Variants in TUBA1C observed in about 807,000 individuals in gnomAD.
The protein encoded by TUBA1C is tubulin alpha-1C chain.
TUBA1C carries 16 observed loss-of-function variants against 34.9 expected under a neutral mutation model. The ratio of observed to expected loss-of-function variants is 0.46; its 90% CI spans 0.31 to 0.70. TUBA1C has a LOEUF of 0.70. Among genes scored for constraint, TUBA1C ranks in the 30% least tolerant of loss-of-function variants. The pLI is 0.05. For missense variants in TUBA1C, 329 were observed against 587.3 expected (o/e 0.56, Z 4.55); for synonymous variants, 177 against 215.9 (o/e 0.82, Z 1.58).
intron 1 of TUBA1C, among the ~76,000 whole-genome samples, chr12:49,235,645 T>C (rs1409959085): frequency 6.6e-6 from 1 of 151,494 alleles, no homozygotes; most frequent in Non-Finnish European, 1.5e-5. Context: ...TGAGGCAGAA[T>C]TGCTTGAACC....
At chr12:49,262,349 C>T (rs1055242910), upstream of TUBA1C, among the ~76,000 whole-genome samples, 2 of 129,764 alleles carry the variant, frequency 1.5e-5, no homozygotes, top group African/African-American at 3.0e-5. Flanking sequence ...CCCAAAAAGT[C>T]GAGGCTGCAC....
At chr12:49,230,817 A>G (rs1942488655) in intron 1 of TUBA1C, among the ~76,000 whole-genome samples, 1 of 152,218 alleles carries the variant, frequency 6.6e-6, no homozygotes, top group South Asian at 2.1e-4. Flanking sequence ...GCCTGAAAGC[A>G]TTGGAAACTG....
chr12:49,268,308 A>G (rs1003501535), intron 1 of TUBA1C, among the ~76,000 whole-genome samples: 2 of 152,172 alleles, frequency 1.3e-5, no homozygotes, highest in Non-Finnish European at 2.9e-5. Flanking sequence ...CATATTGGCC[A>G]GGCTGTTCTT....
intron 1 of TUBA1C, among the ~76,000 whole-genome samples, chr12:49,257,424 C>G (rs1374960486): frequency 6.6e-6 from 1 of 151,942 alleles, no homozygotes; most frequent in Non-Finnish European, 1.5e-5. Flanking sequence ...CATGCAGATA[C>G]TGGTACTAGC....
At chr12:49,245,536 G>A (rs1942658467) in intron 1 of TUBA1C, among the ~76,000 whole-genome samples, 1 of 152,202 alleles carries the variant, frequency 6.6e-6, no homozygotes, top group African/African-American at 2.4e-5. Flanking sequence ...TTGAGGCTAG[G>A]AATTTGAAGC....
intron 1 of TUBA1C, among the ~76,000 whole-genome samples, chr12:49,248,867 CAAAAAA>C (rs201685193): frequency 9.9e-5 from 6 of 60,780 alleles, no homozygotes; most frequent in African/African-American, 3.0e-4. Flanking sequence ...GACTCCCTCT[CAAAAAA>C]AAAAAAAAAA....
intron 1 of TUBA1C, among the ~76,000 whole-genome samples, chr12:49,244,440 T>A (rs1003791475): frequency 1.3e-5 from 2 of 152,194 alleles, no homozygotes; most frequent in African/African-American, 4.8e-5. Flanking sequence ...CGTGGTCTTT[T>A]GAAGATATCT....
chr12:49,256,638 G>C, intron 1 of TUBA1C: 1 of 238,364 alleles, frequency 4.2e-6, no homozygotes, highest in Non-Finnish European at 8.9e-6. Flanking sequence ...GACTCCATTG[G>C]AACAAAATAT....
At position 49,271,333 on chromosome 12, in the gene TUBA1C, C is replaced by T. The variant is rs985366586; in HGVS notation, c.376-920C>T. 8.5e-5 allele frequency among the ~76,000 whole-genome samples: 13 copies of T among 152,272 alleles called. No individual in the cohort carries two copies. In the East Asian group the frequency reaches 9.6e-4, roughly 11 times the overall value. On this transcript the variant is annotated intron_variant, in intron 3 of 3. Coordinates refer to ENST00000301072, the MANE Select transcript of TUBA1C (RefSeq NM_032704.5). ...ATTTGGAAGGTCAAAATCATTCCTT[C>T]GTAAAGTAGCAGTTTGCTAACCAAA...
intron 1 of TUBA1C, among the ~76,000 whole-genome samples, chr12:49,258,947 C>T (rs528175774): frequency 1.4e-4 from 21 of 149,574 alleles, no homozygotes; most frequent in Admixed American, 4.0e-4. Context: ...TTAGTAGAGA[C>T]GGGGTTTCTC....
chr12:49,251,913 G>A (rs1226845320), intron 1 of TUBA1C, among the ~76,000 whole-genome samples: 1 of 151,846 alleles, frequency 6.6e-6, no homozygotes, highest in African/African-American at 2.4e-5. Flanking sequence ...CATCTCAATC[G>A]ATGCAGAAAA....
chr12:49,250,203 A>C (rs967669733), intron 1 of TUBA1C, among the ~76,000 whole-genome samples: 5 of 151,536 alleles, frequency 3.3e-5, no homozygotes, highest in African/African-American at 4.9e-5. Flanking sequence ...CATCTCAAAA[A>C]ATAATAATAA....
intron 1 of TUBA1C, among the ~76,000 whole-genome samples, chr12:49,238,860 C>T (rs993285269): frequency 6.6e-6 from 1 of 152,120 alleles, no homozygotes; most frequent in Non-Finnish European, 1.5e-5. Flanking sequence ...GCGTCCACGC[C>T]GTCCCTGGGC....
chr12:49,229,168 A>G (rs905895612), intron 1 of TUBA1C, among the ~76,000 whole-genome samples: 2 of 151,996 alleles, frequency 1.3e-5, no homozygotes, highest in Non-Finnish European at 2.9e-5. Context: ...GCATGTTGCG[A>G]ACCTTTATCT....
rs552119681 is a variant in TUBA1C at position 49,265,917 on chromosome 12, A to G, written c.3+733A>G. Among the ~76,000 whole-genome samples the G allele has an allele frequency of 2.3e-5, 3 of 130,690 alleles. 1 individual carries two copies. The Admixed American group carries it at 2.3e-4, about 10-fold the overall frequency. 85.7% of individuals were successfully genotyped at this position (130,690 alleles called of 152,430 possible). ...CGCCTGTAATCCCAGCACTTGTTCG[A>G]GACAAACCTGGCGAACATGGTGAAA... On this transcript the variant is annotated intron_variant, in intron 1 of 3. Transcript: ENST00000301072.
rs1271059804 is a variant in TUBA1C at position 49,269,452 on chromosome 12, C to T, written c.4-13C>T. The stretch of plus-strand genomic sequence containing the variant: ...GTATTATACCCTGACATTTTCCTTT[C>T]TTCCTCCCACAGCGTGAGTGCATCT... On this transcript the variant is annotated splice_polypyrimidine_tract_variant and intron_variant, in intron 1 of 3. Transcript: ENST00000301072. 9 of 1,614,022 alleles carry T rather than the reference C, an allele frequency of 5.6e-6. No individual in the cohort carries two copies. Among genetic ancestry groups the T allele is most frequent in the East Asian group, 4.5e-5 (2 of 44,900 alleles).
intron 1 of TUBA1C, among the ~76,000 whole-genome samples, chr12:49,255,975 C>T (rs961429376): frequency 6.6e-5 from 10 of 152,194 alleles, no homozygotes; most frequent in African/African-American, 2.4e-4. Flanking sequence ...TGTGGTGGCA[C>T]GTGCCTGTAG....
intron 1 of TUBA1C, among the ~76,000 whole-genome samples, chr12:49,248,800 G>A (rs1458957504): frequency 1.3e-5 from 2 of 149,504 alleles, no homozygotes; most frequent in East Asian, 4.0e-4. Context: ...CCCGGGAGGC[G>A]GAGCTTGCAG....
At chr12:49,268,245 C>T (rs150790829) in intron 1 of TUBA1C, among the ~76,000 whole-genome samples, 2,421 of 152,150 alleles carry the variant, frequency 0.016, 30 homozygotes, top group Admixed American at 0.031. Context: ...ACTACAGGCG[C>T]GCACCACCAT....
Sources: gnomAD v4.1 joint callset for allele counts (sites outside exome capture counted in the v4.1 genomes callset) on GRCh38, gnomAD v4.1.1 for gene constraint, MANE v1.5 for transcripts, NCBI Gene and HGNC (gene_info 2026-07-23, HGNC 2026-07-21) for gene names.